MALRD1: variants seen among roughly 807,000 people sequenced by gnomAD.
The protein encoded by MALRD1 is MAM and LDL-receptor class A domain-containing protein 1.
In MALRD1, 247 loss-of-function variants were observed where a neutral mutation model predicts 242.1. That is an observed-to-expected ratio of 1.02 (90% CI 0.92 to 1.13). The LOEUF (loss-of-function observed/expected upper bound fraction) is 1.13. Ranked by LOEUF, MALRD1 falls within the 50% of genes most tolerant of loss-of-function variation. The pLI is 0.00. For synonymous variants in MALRD1, 995 were observed against 866.6 expected (o/e 1.15, Z -2.60); for missense variants, 2,989 against 2,533.1 (o/e 1.18, Z -3.86).
At chr10:19,239,149 C>G (rs2131738243) in intron 18 of MALRD1, among the ~76,000 whole-genome samples, 1 of 151,882 alleles carries the variant, frequency 6.6e-6, no homozygotes, top group African/African-American at 2.4e-5. Flanking sequence ...ACCTCCATCT[C>G]CCTGGTTCAA....
At chr10:19,048,166 T>C (rs183033421), upstream of MALRD1, among the ~76,000 whole-genome samples, 21 of 152,336 alleles carry the variant, frequency 1.4e-4, 1 homozygote, top group East Asian at 3.7e-3. Context: ...GAGGGAACAC[T>C]GTTCTTAGCA....
rs545624737 is a variant in MALRD1 at position 19,478,878 on chromosome 10, A to G, written c.5030-12639A>G. 9.8e-5 allele frequency among the ~76,000 whole-genome samples: 15 copies of G among 152,346 alleles called. No homozygotes were observed. The South Asian group carries it at 1.4e-3, about 15-fold the overall frequency. ...CTATTTATCCTCTGAATGATTTTCA[A>G]TGGTTGAGAGCCTTTTTAGCAACCA... is the stretch of plus-strand genomic sequence containing the variant. On this transcript the variant is annotated intron_variant, in intron 29 of 39. Coordinates refer to ENST00000454679, the MANE Select transcript of MALRD1 (RefSeq NM_001142308.3).
At chr10:19,302,977 C>G (rs1842015343) in intron 21 of MALRD1, among the ~76,000 whole-genome samples, 1 of 151,370 alleles carries the variant, frequency 6.6e-6, no homozygotes, top group East Asian at 1.9e-4. Context: ...AGAAGAAATG[C>G]AAAAAGTTGA....
At chr10:19,647,220 G>A (rs10827735) in intron 36 of MALRD1, among the ~76,000 whole-genome samples, 7,657 of 152,186 alleles carry the variant, frequency 0.05, 238 homozygotes, top group Middle Eastern at 0.092. Context: ...TGCAATGTAC[G>A]CCCTATTTTA....
intron 33 of MALRD1, 43 bp downstream of exon 33, chr10:19,567,746 A>G (rs1178282203): frequency 2.4e-5 from 36 of 1,491,326 alleles, no homozygotes; most frequent in Admixed American, 7.9e-5. Context: ...ATTTGTTTTT[A>G]GTATCTAAAT....
intron 21 of MALRD1, among the ~76,000 whole-genome samples, chr10:19,321,780 T>C (rs923228435): frequency 2.0e-5 from 3 of 152,136 alleles, no homozygotes; most frequent in African/African-American, 7.2e-5. Flanking sequence ...TTTTCCTTCT[T>C]GCTCCCACTT....
intron 29 of MALRD1, chr10:19,489,367 T>G (rs1266540457): frequency 1.8e-6 from 1 of 544,852 alleles, no homozygotes; most frequent in African/African-American, 1.9e-5. Context: ...GTCCAGCCTC[T>G]GATGAAGCAG....
intron 1 of MALRD1, among the ~76,000 whole-genome samples, chr10:19,059,525 T>G (rs1431740020): frequency 6.6e-6 from 1 of 152,104 alleles, no homozygotes; most frequent in African/African-American, 2.4e-5. Context: ...TAGCTGGGAC[T>G]ACAGATGCAT....
At chr10:19,637,663 A>C (rs560291281) in intron 36 of MALRD1, among the ~76,000 whole-genome samples, 9 of 152,004 alleles carry the variant, frequency 5.9e-5, no homozygotes, top group African/African-American at 2.2e-4. Flanking sequence ...ACATCCAGCC[A>C]CATGACTTGG....
chr10:19,489,136 A>T (rs1837367295), intron 29 of MALRD1: 5 of 466,994 alleles, frequency 1.1e-5, no homozygotes, highest in Non-Finnish European at 2.2e-5. Flanking sequence ...AGGGGCCGCC[A>T]CAGGAAAAGC....
intron 12 of MALRD1, among the ~76,000 whole-genome samples, chr10:19,159,314 A>G (rs868642130): frequency 6.6e-6 from 1 of 151,990 alleles, no homozygotes; most frequent in African/African-American, 2.4e-5. Context: ...GGAGCTATAG[A>G]TATCTTAGCT....
At chr10:19,108,754 TTA>T (rs1836568160) in intron 5 of MALRD1, among the ~76,000 whole-genome samples, 1 of 152,222 alleles carries the variant, frequency 6.6e-6, no homozygotes, top group Non-Finnish European at 1.5e-5. Flanking sequence ...ATATTCTCTT[TTA>T]TCTCATTGAG....
intron 26 of MALRD1, among the ~76,000 whole-genome samples, chr10:19,361,931 C>T (rs1844912858): frequency 6.6e-6 from 1 of 152,050 alleles, no homozygotes. Flanking sequence ...CATTCTGATT[C>T]TAAAGATTCA....
At chr10:19,132,877 A>G (rs1415562816) in intron 8 of MALRD1, among the ~76,000 whole-genome samples, 1 of 152,190 alleles carries the variant, frequency 6.6e-6, no homozygotes, top group Admixed American at 6.6e-5. Flanking sequence ...AACATAAATC[A>G]TAAAGACCAA....
At chr10:19,496,303 C>T (rs1342622643) in intron 30 of MALRD1, among the ~76,000 whole-genome samples, 1 of 152,124 alleles carries the variant, frequency 6.6e-6, no homozygotes, top group Non-Finnish European at 1.5e-5. Flanking sequence ...TTAAAATTGA[C>T]CACACAGTTG....
intron 7 of MALRD1, among the ~76,000 whole-genome samples, chr10:19,125,317 C>CTTT (rs1564407871): frequency 7.4e-4 from 58 of 77,936 alleles, no homozygotes; most frequent in African/African-American, 1.1e-3. Context: ...TTCCTTCCTT[C>CTTT]CTTCCTTCTT....
intron 13 of MALRD1, among the ~76,000 whole-genome samples, chr10:19,174,864 A>C (rs1337418810): frequency 6.6e-6 from 1 of 152,144 alleles, no homozygotes; most frequent in Non-Finnish European, 1.5e-5. Flanking sequence ...TTCATATCTC[A>C]GTTAAATTGA....
chr10:19,188,405 A>G (rs1055461485), intron 14 of MALRD1, among the ~76,000 whole-genome samples: 8 of 152,306 alleles, frequency 5.3e-5, no homozygotes, highest in Middle Eastern at 3.4e-3. Flanking sequence ...AAGAAATAGG[A>G]TAATTCTGTG....
intron 38 of MALRD1, among the ~76,000 whole-genome samples, chr10:19,730,012 C>A (rs1835221612): frequency 6.6e-6 from 1 of 152,124 alleles, no homozygotes; most frequent in Admixed American, 6.5e-5. Context: ...GCTGGGATTA[C>A]AGGCGTGAGC....
Sources: allele counts gnomAD v4.1 joint callset (sites outside exome capture counted in the v4.1 genomes callset), GRCh38; gene constraint gnomAD v4.1.1; transcripts MANE v1.5; gene names NCBI Gene and HGNC (gene_info 2026-07-23, HGNC 2026-07-21).